The following CLSPN variants were observed in gnomAD, a reference collection of about 807,000 sequenced individuals.
The protein encoded by CLSPN is claspin homolog.
CLSPN carries 85 observed loss-of-function variants against 156.3 expected under a neutral mutation model. The ratio of observed to expected loss-of-function variants is 0.54; its 90% CI spans 0.46 to 0.65. The LOEUF is 0.65. Among genes scored for constraint, CLSPN ranks in the 30% least tolerant of loss-of-function variants. The pLI, the probability that CLSPN is intolerant of heterozygous loss-of-function variation, is 0.00. For synonymous variants in CLSPN, 534 were observed against 542.4 expected (o/e 0.98, Z 0.22); for missense variants, 1,407 against 1,554.9 (o/e 0.90, Z 1.60).
intron 15 of CLSPN, 55 bp from the exon 16 acceptor site, chr1:35,745,617 T>C: frequency 1.6e-6 from 2 of 1,272,484 alleles, no homozygotes; most frequent in Non-Finnish European, 2.3e-6. Flanking sequence ...TTTATACTCT[T>C]TTCCCAGCCA....
chr1:35,765,994 C>CTT (rs549426437), intron 1 of CLSPN, among the ~76,000 whole-genome samples: 12 of 106,454 alleles, frequency 1.1e-4, no homozygotes, highest in African/African-American at 1.8e-4. Flanking sequence ...CTCTCTCTCT[C>CTT]TTTTTTTTTT....
intron 8 of CLSPN, among the ~76,000 whole-genome samples, chr1:35,755,335 C>T (rs1012880627): frequency 2.0e-5 from 3 of 151,100 alleles, no homozygotes; most frequent in African/African-American, 4.9e-5. Context: ...GGCATGATCT[C>T]GGCTCACTGT....
rs1642585324 is a variant in CLSPN at position 35,764,139 on chromosome 1, A to G, written c.582+127T>C. 7.6e-6 allele frequency: 5 copies of G among 656,122 alleles called. No homozygotes were observed. The East Asian group carries it at 1.4e-4, about 18-fold the overall frequency. The allele number at this position is 656,122 out of a possible 1,614,324, so 40.6% of individuals were successfully genotyped here. A position where few individuals can be genotyped will look rare whatever the true frequency, so the allele number is the denominator to read the frequency against. ...TTAAATCACATACCTATTGAGAATA[A>G]TTCTCAACACAAAATAGTCAATTCA... On this transcript the variant is annotated intron_variant, in intron 3 of 24. Transcript: ENST00000318121.
At chr1:35,769,499 A>T (rs2148630289) in intron 1 of CLSPN, among the ~76,000 whole-genome samples, 2 of 152,310 alleles carry the variant, frequency 1.3e-5, no homozygotes, top group Middle Eastern at 6.8e-3. Context: ...CCCGGCTTTC[A>T]GAGCACCCTG....
In CLSPN at chr1:35,734,496, A is replaced by G. The variant is rs1385617938; in HGVS notation, c.*2000T>C. On this transcript the variant is annotated 3_prime_UTR_variant, in exon 25 of 25. Coordinates refer to ENST00000318121, the MANE Select transcript of CLSPN (RefSeq NM_022111.4). ...GGAGTTCAAGACCAGCCTGGCCAACATGGCGAAACCTCATCTCTAATAAAA... is the reference window on the plus strand; with the variant it reads ...GGAGTTCAAGACCAGCCTGGCCAACGTGGCGAAACCTCATCTCTAATAAAA... 1.2e-5 allele frequency: 5 copies of G among 410,202 alleles called. No individual in the cohort carries two copies. Among genetic ancestry groups the G allele is most frequent in the African/African-American group, 2.2e-5 (1 of 46,254 alleles). The allele number at this position is 410,202 out of a possible 1,614,324, so 25.4% of individuals were successfully genotyped here.
Position 35,751,399 on chromosome 1 carries a change from C to A in CLSPN, c.1879G>T (p.Gly627Trp), listed in dbSNP as rs116002410. The A allele has an allele frequency of 2.9e-5, 46 of 1,613,820 alleles. No individual in the cohort carries two copies. In the East Asian group the frequency reaches 9.6e-4, roughly 34 times the overall value. ...QALFKLDNED[G>W]FEEEEEEEEE... is the part of the protein sequence containing the mutation. The stretch of plus-strand genomic sequence containing the variant: ...TCTTCCTCCTCCTCTTCCTCAAACC[C>A]ATCTTCATTATCTAATTTAAACAGT... The change falls in exon 10 of 25, where the codon GGG becomes TGG. Residue 627 changes from glycine to tryptophan, a missense_variant. Physicochemically the swap from Gly to Trp is radical, Grantham distance 184 (BLOSUM62 -2). Coordinates refer to ENST00000318121, the MANE Select transcript of CLSPN (RefSeq NM_022111.4).
rs1238671786 is a variant in CLSPN at position 35,732,876 on chromosome 1, CATAAGGAAA to C, written c.*3611_*3619del. ...GCTTACTTTATAGCAGCCATCCTGG[CATAAGGAAA>C]AGTAACCCAGAGTTTGACTCAAGTT... On this transcript the variant is annotated 3_prime_UTR_variant, in exon 25 of 25. Coordinates refer to ENST00000318121, the MANE Select transcript of CLSPN (RefSeq NM_022111.4). The C allele has an allele frequency of 5.1e-6, 5 of 985,298 alleles. No individual in the cohort carries two copies. The highest frequency in any genetic ancestry group is 4.8e-6 in the Non-Finnish European group (4 of 829,944). 61.0% of individuals were successfully genotyped at this position (985,298 alleles called of 1,614,324 possible).
chr1:35,747,095 G>A lies in CLSPN; in HGVS notation c.2628-103C>T, dbSNP rs7514236. On this transcript the variant is annotated intron_variant, in intron 14 of 24. Coordinates refer to ENST00000318121, the MANE Select transcript of CLSPN (RefSeq NM_022111.4). ...CCCAGCACTTCGGGAGGCCGAGGCG[G>A]GCGGATCACGAGGTCAGGAGATCAA... 1.6e-4 allele frequency: 125 copies of A among 786,436 alleles called. No homozygotes were observed. The African/African-American group carries it at 1.6e-3, about 10-fold the overall frequency. 48.7% of individuals were successfully genotyped at this position (786,436 alleles called of 1,614,324 possible). A position where few individuals can be genotyped will look rare whatever the true frequency, so the allele number is the denominator to read the frequency against.
chr1:35,723,015 G>A (rs1017504439), intron 24 of CLSPN, among the ~76,000 whole-genome samples: 6 of 152,176 alleles, frequency 3.9e-5, no homozygotes, highest in Admixed American at 1.3e-4. Context: ...TCACACAGCA[G>A]TCCTGGTCAC....
At chr1:35,749,862 A>C (rs1642023006) in intron 10 of CLSPN, 51 bp from the exon 11 acceptor site, 1 of 1,579,798 alleles carries the variant, frequency 6.3e-7, no homozygotes, top group African/African-American at 1.4e-5. Context: ...AAAACATTTA[A>C]AAGCAAATAC....
At chr1:35,741,746 G>A (rs1470375456) in intron 18 of CLSPN, among the ~76,000 whole-genome samples, 2 of 151,532 alleles carry the variant, frequency 1.3e-5, no homozygotes, top group East Asian at 2.0e-4. Context: ...AGGCCAAGGC[G>A]GGTGGATCGT....
At chr1:35,767,355 A>G (rs2148629088) in intron 1 of CLSPN, among the ~76,000 whole-genome samples, 1 of 152,316 alleles carries the variant, frequency 6.6e-6, no homozygotes, top group South Asian at 2.1e-4. Flanking sequence ...TTGTGGTTCA[A>G]ATAATATGAT....
intron 8 of CLSPN, among the ~76,000 whole-genome samples, chr1:35,758,711 T>G (rs1642371924): frequency 1.3e-5 from 2 of 152,240 alleles, no homozygotes; most frequent in African/African-American, 4.8e-5. Flanking sequence ...CAACAACTTT[T>G]TGAGTGCTTG....
At chr1:35,765,349 A>G (rs371462025) in intron 1 of CLSPN, 23 bp from the exon 2 acceptor site, 132 of 1,533,300 alleles carry the variant, frequency 8.6e-5, no homozygotes, top group Middle Eastern at 1.7e-4. Flanking sequence ...AATATACTTT[A>G]TATCAACCAG....
At chr1:35,730,795 G>T (rs1641297344), downstream of CLSPN, among the ~76,000 whole-genome samples, 1 of 152,092 alleles carries the variant, frequency 6.6e-6, no homozygotes, top group African/African-American at 2.4e-5. Context: ...GGGAGACAAA[G>T]GTTGCAGTGA....
chr1:35,751,156 C>T (rs1048254255), intron 10 of CLSPN, 94 bp downstream of exon 10: 2 of 1,495,516 alleles, frequency 1.3e-6, no homozygotes, highest in South Asian at 1.3e-5. Context: ...ACCTCTTATA[C>T]AATTGAACAT....
chr1:35,739,386 C>T lies in CLSPN; in HGVS notation c.3287G>A (p.Ser1096Asn). The T allele has an allele frequency of 6.2e-7, 1 of 1,614,032 alleles. No individual in the cohort carries two copies. Among genetic ancestry groups the T allele is most frequent in the Non-Finnish European group, 8.5e-7 (1 of 1,179,992 alleles). The change falls in exon 19 of 25, where the codon AGT (serine) becomes AAT (asparagine). Residue 1096 changes from serine (S) to asparagine (N), a missense_variant. Around this residue, in one of 3 missense-constraint regions of CLSPN, gnomAD observed 70 missense variants for 121.5 expected, o/e 0.58. Transcript: ENST00000318121. ...EVLPSDEELQSQIKKIHMKTM... is the reference protein window; with the variant it reads ...EVLPSDEELQNQIKKIHMKTM... The stretch of plus-strand genomic sequence containing the variant: ...TGACATGTGTATTTTCTTGATTTGA[C>T]TCTGCAGTTCCTCATCAGAAGGAAG...
In CLSPN at chr1:35,743,514, C is replaced by T. The variant is rs113122645; in HGVS notation, c.2983G>A (p.Glu995Lys). 3.1e-6 allele frequency: 5 copies of T among 1,613,162 alleles called. No individual in the cohort carries two copies. In the African/African-American group the frequency reaches 5.3e-5, roughly 17 times the overall value. Residue 995 changes from glutamate (E) to lysine (K), a missense_variant, in exon 17 of 25, where the codon GAG becomes AAG. Around this residue, in one of 3 missense-constraint regions of CLSPN, gnomAD observed 1,096 missense variants for 1,193.0 expected, o/e 0.92. Transcript: ENST00000318121. ...AGCCGAAAGTCTCCAAATTCCTCCT[C>T]CTCGTCTTCCTCTTCCCTAAAATGT... ...FPTDKEEEDE[E>K]EEFGDFRLVS...
Position 35,764,492 on chromosome 1 carries a change from A to G in CLSPN, c.356T>C (p.Leu119Ser), listed in dbSNP as rs776299439. 1.2e-6 allele frequency: 2 copies of G among 1,614,104 alleles called. No homozygotes were observed. The highest frequency in any genetic ancestry group is 2.2e-5 in the South Asian group (2 of 91,086). Residue 119 changes from leucine (L) to serine (S), a missense_variant, in exon 3 of 25, where the codon TTG becomes TCG. By Grantham distance (145) the Leu-to-Ser change is moderately radical. Around this residue, in one of 3 missense-constraint regions of CLSPN, gnomAD observed 1,096 missense variants for 1,193.0 expected, o/e 0.92. Transcript: ENST00000318121. Reference sequence around the variant, plus strand: ...TTGCGCTTCAAGATTTTCCTGATACAAAGACTTTTCCATGTAACTTTCATC... The same window carrying G: ...TTGCGCTTCAAGATTTTCCTGATACGAAGACTTTTCCATGTAACTTTCATC... ...DSDESYMEKSLYQENLEAQVK... is the reference protein window; with the variant it reads ...DSDESYMEKSSYQENLEAQVK...
Sources: gnomAD v4.1 joint callset for allele counts (sites outside exome capture counted in the v4.1 genomes callset) on GRCh38, gnomAD v4.1.1 for gene constraint, gnomAD v4.1.1 regional missense constraint, MANE v1.5 for transcripts, NCBI Gene and HGNC (gene_info 2026-07-23, HGNC 2026-07-21) for gene names.